The following GRIK2 variants were observed in gnomAD, a reference collection of about 807,000 sequenced individuals.
GRIK2 encodes glutamate receptor ionotropic, kainate 2.
In GRIK2, 32 loss-of-function variants were observed where a neutral mutation model predicts 100.3. The observed-to-expected ratio is 0.32, with a 90% CI of 0.24 to 0.43. The LOEUF is 0.43. Ranked by LOEUF, GRIK2 falls within the 20% of genes least tolerant of loss-of-function variation. GRIK2 has a pLI of 1.00. For missense variants in GRIK2, 843 were observed against 1,114.9 expected (o/e 0.76, Z 3.47); for synonymous variants, 417 against 389.4 (o/e 1.07, Z -0.83).
rs199589286 is a variant in GRIK2, at chr6:101,635,998, T to G, written c.541+9361T>G. Among the ~76,000 whole-genome samples, 7 of 152,288 alleles carry G rather than the reference T, an allele frequency of 4.6e-5. No individual in the cohort carries two copies. In the East Asian group the frequency reaches 1.4e-3, roughly 30 times the overall value. On this transcript the variant is annotated intron_variant, in intron 4 of 16. Transcript: ENST00000369134. ...CCATTTGACCCAGTAATCCCGTTACTGGGTATATACCCAAAGGATTATAAA... is the reference window on the plus strand; with the variant it reads ...CCATTTGACCCAGTAATCCCGTTACGGGGTATATACCCAAAGGATTATAAA...
intron 7 of GRIK2, among the ~76,000 whole-genome samples, chr6:101,786,968 C>T (rs1345379602): frequency 6.6e-6 from 1 of 151,926 alleles, no homozygotes; most frequent in African/African-American, 2.4e-5. Flanking sequence ...TGGTGGAAGC[C>T]ATTTTATTAT....
chr6:101,824,097 C>G (rs1782153735), intron 10 of GRIK2, among the ~76,000 whole-genome samples: 1 of 151,920 alleles, frequency 6.6e-6, no homozygotes, highest in South Asian at 2.1e-4. Context: ...GTTGGTCAGG[C>G]TGGTCTTGAA....
At chr6:101,842,103 G>A (rs1462897447) in intron 10 of GRIK2, among the ~76,000 whole-genome samples, 2 of 152,256 alleles carry the variant, frequency 1.3e-5, no homozygotes, top group Admixed American at 6.5e-5. Context: ...GCACAAAATT[G>A]TCAGTGAGTG....
chr6:101,669,797 T>C (rs932356539), intron 4 of GRIK2, among the ~76,000 whole-genome samples: 5 of 152,136 alleles, frequency 3.3e-5, no homozygotes, highest in African/African-American at 9.7e-5. Context: ...GCATCTTTCT[T>C]TTTGTCAACC....
chr6:101,408,740 T>A (rs1775723613), intron 2 of GRIK2, among the ~76,000 whole-genome samples: 1 of 152,068 alleles, frequency 6.6e-6, no homozygotes, highest in African/African-American at 2.4e-5. Flanking sequence ...CTCCATCTAC[T>A]ATTTTACTGA....
At chr6:101,613,809 GACAA>G (rs1332925783) in intron 2 of GRIK2, among the ~76,000 whole-genome samples, 1 of 151,330 alleles carries the variant, frequency 6.6e-6, no homozygotes, top group Non-Finnish European at 1.5e-5. Flanking sequence ...TTAGTCATGT[GACAA>G]ACAGTTAAAC....
intron 4 of GRIK2, among the ~76,000 whole-genome samples, chr6:101,670,975 C>A (rs1770392027): frequency 6.6e-6 from 1 of 152,154 alleles, no homozygotes; most frequent in Non-Finnish European, 1.5e-5. Context: ...GATTCAAACC[C>A]AACACCCCAG....
chr6:101,978,946 C>T lies in GRIK2; in HGVS notation c.2085+50314C>T, dbSNP rs1366346641. Among the ~76,000 whole-genome samples the T allele has an allele frequency of 5.3e-5, 8 of 152,042 alleles. No individual in the cohort carries two copies. The East Asian group carries it at 1.2e-3, about 22-fold the overall frequency. On this transcript the variant is annotated intron_variant, in intron 14 of 16. Coordinates refer to ENST00000369134, the MANE Select transcript of GRIK2 (RefSeq NM_021956.5). ...ATATTTCTCAACTGCTATTTTATTC[C>T]TATCTCCATATGTTATCCTAATCAT...
chr6:101,903,379 C>T (rs79661626), intron 12 of GRIK2, among the ~76,000 whole-genome samples: 13,156 of 151,776 alleles, frequency 0.087, 788 homozygotes, highest in Middle Eastern at 0.2. Context: ...ATTTTTATTT[C>T]AAGTGCTCAT....
At chr6:101,637,715 G>T (rs962017132) in intron 4 of GRIK2, among the ~76,000 whole-genome samples, 3 of 152,052 alleles carry the variant, frequency 2.0e-5, no homozygotes, top group Non-Finnish European at 4.4e-5. Context: ...TTGTTCCTCG[G>T]CATGACACAT....
chr6:101,561,156 T>C (rs1049417958), intron 2 of GRIK2, among the ~76,000 whole-genome samples: 1 of 152,160 alleles, frequency 6.6e-6, no homozygotes, highest in African/African-American at 2.4e-5. Flanking sequence ...CTTAGGAAGC[T>C]ATGTGTTTGA....
At chr6:101,452,506 T>G (rs977822911) in intron 2 of GRIK2, among the ~76,000 whole-genome samples, 1 of 151,716 alleles carries the variant, frequency 6.6e-6, no homozygotes, top group Non-Finnish European at 1.5e-5. Context: ...TGAGAAATAT[T>G]GCTCTCAAAA....
chr6:101,824,012 C>A (rs1016800427), intron 10 of GRIK2, among the ~76,000 whole-genome samples: 1 of 151,828 alleles, frequency 6.6e-6, no homozygotes, highest in Non-Finnish European at 1.5e-5. Context: ...GGATTACAAG[C>A]ACTGCCACCA....
intron 9 of GRIK2, among the ~76,000 whole-genome samples, chr6:101,816,610 G>T (rs1373751871): frequency 6.6e-6 from 1 of 152,174 alleles, no homozygotes; most frequent in Non-Finnish European, 1.5e-5. Context: ...AGAATTGCTT[G>T]AACCCGGGAG....
At chr6:101,691,761 A>G (rs1242240258) in intron 7 of GRIK2, among the ~76,000 whole-genome samples, 1 of 152,078 alleles carries the variant, frequency 6.6e-6, no homozygotes, top group Non-Finnish European at 1.5e-5. Context: ...CAGACCACAG[A>G]CCCCAGACTT....
intron 2 of GRIK2, among the ~76,000 whole-genome samples, chr6:101,581,181 TAC>T (rs35142893): frequency 2.0e-4 from 28 of 138,030 alleles, no homozygotes; most frequent in Non-Finnish European, 3.6e-4. Context: ...TATATATATA[TAC>T]ACACACACAC....
At chr6:101,774,688 C>T (rs1481632449) in intron 7 of GRIK2, among the ~76,000 whole-genome samples, 3 of 152,148 alleles carry the variant, frequency 2.0e-5, no homozygotes, top group African/African-American at 7.2e-5. Flanking sequence ...ACCTGCTTCA[C>T]AGCTGTCCTT....
intron 7 of GRIK2, among the ~76,000 whole-genome samples, chr6:101,701,377 G>A (rs900458974): frequency 1.3e-5 from 2 of 152,014 alleles, no homozygotes; most frequent in African/African-American, 4.8e-5. Flanking sequence ...GGGGTCTTAC[G>A]AATAATGCCT....
intron 9 of GRIK2, among the ~76,000 whole-genome samples, chr6:101,804,835 T>G (rs1297507383): frequency 6.6e-6 from 1 of 151,942 alleles, no homozygotes; most frequent in Non-Finnish European, 1.5e-5. Flanking sequence ...CGGTAAAGTT[T>G]AGTCGGTTCT....
Sources: allele counts gnomAD v4.1 joint callset (sites outside exome capture counted in the v4.1 genomes callset), GRCh38; gene constraint gnomAD v4.1.1; transcripts MANE v1.5; gene names NCBI Gene and HGNC (gene_info 2026-07-23, HGNC 2026-07-21).